Variants in NHSL1 observed in about 807,000 individuals in gnomAD.
NHSL1 encodes the protein NHS-like protein 1.
A neutral mutation model predicts 95.0 loss-of-function variants in NHSL1; 48 were observed. That is an observed-to-expected ratio of 0.51 (90% confidence interval 0.40 to 0.64). The LOEUF (loss-of-function observed/expected upper bound fraction) is 0.64, where lower values mean the gene tolerates loss of function less well. Ranked by LOEUF, NHSL1 falls within the 30% of genes least tolerant of loss-of-function variation. The pLI, the probability that NHSL1 is intolerant of heterozygous loss-of-function variation, is 0.00. For synonymous variants in NHSL1, 783 were observed against 833.9 expected, an observed-to-expected ratio of 0.94 and a Z score of 1.05; for missense variants, 1,971 against 2,077.7, an observed-to-expected ratio of 0.95 and a Z score of 1.00.
intron 1 of NHSL1, among the ~76,000 whole-genome samples, chr6:138,618,805 G>C (rs1583452082): frequency 6.6e-6 from 1 of 152,120 alleles, no homozygotes; most frequent in African/African-American, 2.4e-5. Context: ...AACACATCCA[G>C]ACAGCTGAGC....
At chr6:138,572,847 G>GTAGGTAGATAGATAGATAGA (rs1491371552), upstream of NHSL1, among the ~76,000 whole-genome samples, 5 of 149,738 alleles carry the variant, frequency 3.3e-5, no homozygotes, top group Non-Finnish European at 7.4e-5. Flanking sequence ...GCTTAATACA[G>GTAGGTAGATAGATAGATAGA]TAGATAGATA....
At chr6:138,602,936 T>C (rs770452789) in intron 1 of NHSL1, among the ~76,000 whole-genome samples, 15 of 152,114 alleles carry the variant, frequency 9.9e-5, no homozygotes, top group Non-Finnish European at 1.8e-4. Context: ...AGTTCATAAA[T>C]CTAAAATGGA....
At chr6:138,539,631 A>G (rs553745653) in intron 1 of NHSL1, among the ~76,000 whole-genome samples, 47 of 152,368 alleles carry the variant, frequency 3.1e-4, no homozygotes, top group African/African-American at 1.1e-3. Context: ...GGAAACCAGA[A>G]TAGGTAGAAA....
intron 1 of NHSL1, among the ~76,000 whole-genome samples, chr6:138,538,481 G>T (rs1782449663): frequency 6.6e-6 from 1 of 152,154 alleles, no homozygotes; most frequent in Non-Finnish European, 1.5e-5. Flanking sequence ...GCATCTGCCA[G>T]GCTCGTCAGC....
intron 3 of NHSL1, 121 bp from the exon 4 acceptor site, chr6:138,447,314 C>T (rs2128220648): frequency 2.6e-6 from 2 of 759,652 alleles, no homozygotes; most frequent in East Asian, 5.4e-5. Context: ...TAATTGATCG[C>T]TTTTAGGAAC....
At chr6:138,650,246 T>C (rs1583466010) in intron 1 of NHSL1, 3 of 639,830 alleles carry the variant, frequency 4.7e-6, no homozygotes, top group East Asian at 3.6e-5. Context: ...ATGATCCTGA[T>C]GACACCCAGT....
chr6:138,656,689 G>A (rs899289973), intron 1 of NHSL1, among the ~76,000 whole-genome samples: 31 of 152,156 alleles, frequency 2.0e-4, no homozygotes, highest in Admixed American at 2.0e-3. Context: ...TTTCTTTGTG[G>A]TTGTCCTCGT....
At chr6:138,682,390 G>A (rs987469261) in intron 1 of NHSL1, among the ~76,000 whole-genome samples, 1 of 152,162 alleles carries the variant, frequency 6.6e-6, no homozygotes, top group Non-Finnish European at 1.5e-5. Flanking sequence ...GTGTAGGAGT[G>A]CCATCATCCC....
intron 1 of NHSL1, among the ~76,000 whole-genome samples, chr6:138,641,548 G>A (rs999485648): frequency 3.3e-5 from 5 of 151,016 alleles, no homozygotes; most frequent in East Asian, 2.0e-4. Flanking sequence ...GCTTGAACCC[G>A]GAAGGCAGAG....
At chr6:138,584,969 C>T (rs1254753248) in intron 1 of NHSL1, among the ~76,000 whole-genome samples, 1 of 152,190 alleles carries the variant, frequency 6.6e-6, no homozygotes, top group East Asian at 1.9e-4. Flanking sequence ...ACCACAGGGC[C>T]TTAACAGCTG....
At chr6:138,463,916 A>T (rs1338061649) in intron 3 of NHSL1, among the ~76,000 whole-genome samples, 1 of 152,178 alleles carries the variant, frequency 6.6e-6, no homozygotes, top group Non-Finnish European at 1.5e-5. Context: ...AACACGTATC[A>T]CCACCTGGTG....
intron 1 of NHSL1, among the ~76,000 whole-genome samples, chr6:138,607,883 A>G (rs1043156439): frequency 1.4e-4 from 21 of 152,240 alleles, no homozygotes; most frequent in South Asian, 8.3e-4. Flanking sequence ...GACTCCAAAG[A>G]TAAGTGACAG....
intron 5 of NHSL1, among the ~76,000 whole-genome samples, chr6:138,437,261 T>G (rs1178893366): frequency 4.5e-5 from 6 of 134,164 alleles, no homozygotes; most frequent in Admixed American, 4.0e-4. Flanking sequence ...GCAACAAGAG[T>G]GAAACTCTGT....
rs1333220391 is a variant in NHSL1, at chr6:138,447,098, C to T, written c.435G>A (p.Thr145=). 1.9e-6 allele frequency: 3 copies of T among 1,551,712 alleles called. No individual in the cohort carries two copies. Among genetic ancestry groups the T allele is most frequent in the East Asian group, 2.4e-5 (1 of 40,920 alleles). The part of the protein sequence containing the change: ...SSDFSDLNTQ[T]NWTKSLPLPT... Reference sequence around the variant, plus strand: ...GCAGTGGAAGCGACTTGGTCCAGTTCGTCTGAGTATTAAGGTCGGAGAAGT... The same window carrying T: ...GCAGTGGAAGCGACTTGGTCCAGTTTGTCTGAGTATTAAGGTCGGAGAAGT... Residue 145 remains threonine, a synonymous_variant, in exon 4 of 8, where the codon ACG becomes ACA. Transcript: ENST00000343505.
At chr6:138,626,560 C>A (rs1231286232) in intron 1 of NHSL1, among the ~76,000 whole-genome samples, 1 of 152,110 alleles carries the variant, frequency 6.6e-6, no homozygotes, top group Non-Finnish European at 1.5e-5. Flanking sequence ...AGATTCTCAG[C>A]ATTAGCAAAT....
intron 1 of NHSL1, among the ~76,000 whole-genome samples, chr6:138,552,524 C>A (rs1783047539): frequency 6.6e-6 from 1 of 152,102 alleles, no homozygotes; most frequent in South Asian, 2.1e-4. Flanking sequence ...TGACATCAGT[C>A]AAGAAAGTAG....
intron 1 of NHSL1, among the ~76,000 whole-genome samples, chr6:138,589,541 C>G (rs1015401791): frequency 1.3e-5 from 2 of 152,142 alleles, no homozygotes; most frequent in Non-Finnish European, 2.9e-5. Context: ...TCGCCTGCCC[C>G]TCGCTGCTCA....
At chr6:138,575,960 C>CGTTT (rs1554254049), upstream of NHSL1, among the ~76,000 whole-genome samples, 47 of 144,710 alleles carry the variant, frequency 3.2e-4, no homozygotes, top group Non-Finnish European at 1.8e-4. Flanking sequence ...AAAATCCCTA[C>CGTTT]ATTTATTTAT....
At chr6:138,651,666 A>C (rs969201930) in intron 1 of NHSL1, among the ~76,000 whole-genome samples, 2 of 152,150 alleles carry the variant, frequency 1.3e-5, no homozygotes, top group Non-Finnish European at 2.9e-5. Context: ...CATGTGAAGG[A>C]TCTCCTGTCT....
Sources: allele counts gnomAD v4.1 joint callset (sites outside exome capture counted in the v4.1 genomes callset), GRCh38; gene constraint gnomAD v4.1.1; transcripts MANE v1.5; gene names NCBI Gene and HGNC (gene_info 2026-07-23, HGNC 2026-07-21).